The following ARHGAP18 variants were observed in gnomAD, a reference collection of about 807,000 sequenced individuals.
The protein encoded by ARHGAP18 is Rho GTPase activating protein 18.
A neutral mutation model predicts 86.2 loss-of-function variants in ARHGAP18; 67 were observed. The observed-to-expected ratio is 0.78, with a 90% confidence interval of 0.64 to 0.95. The LOEUF (loss-of-function observed/expected upper bound fraction) is 0.95. Among genes scored for constraint, ARHGAP18 ranks in the 40% least tolerant of loss-of-function variants. The pLI is 0.00. For missense variants in ARHGAP18, 691 were observed against 780.4 expected, an observed-to-expected ratio of 0.89 and a Z score of 1.37; for synonymous variants, 283 against 280.4, an observed-to-expected ratio of 1.01 and a Z score of -0.09.
chr6:129,680,665 C>G (rs6928942), intron 1 of ARHGAP18, among the ~76,000 whole-genome samples: 1 of 152,136 alleles, frequency 6.6e-6, no homozygotes, highest in East Asian at 1.9e-4. Flanking sequence ...TGGGCAAGGC[C>G]GAAGCCTGGT....
rs756960625 is a variant in ARHGAP18, at chr6:129,599,231, A to C, written c.1698T>G (p.Asp566Glu). The C allele has an allele frequency of 1.3e-6, 2 of 1,578,374 alleles. No individual in the cohort carries two copies. The highest frequency in any genetic ancestry group is 2.4e-5 in the South Asian group (2 of 84,876). Residue 566 changes from aspartate to glutamate, a missense_variant, in exon 12 of 15, where the codon GAT (aspartate) becomes GAG (glutamate). By Grantham distance (45) the Asp-to-Glu change is conservative (BLOSUM62 2). Transcript: ENST00000368149. Reference sequence around the variant, plus strand: ...ATTTTCTTACATCATTTGTACTCTTATCTTGCTTTTCATATTTTTCTCGGT... The same window carrying C: ...ATTTTCTTACATCATTTGTACTCTTCTCTTGCTTTTCATATTTTTCTCGGT... Reference protein sequence around the residue: ...AYDREKYEKQDKSTNDADVPQ... With the variant: ...AYDREKYEKQEKSTNDADVPQ...
chr6:129,614,534 T>A (rs1031864149), intron 7 of ARHGAP18, among the ~76,000 whole-genome samples: 7 of 149,416 alleles, frequency 4.7e-5, no homozygotes, highest in Admixed American at 2.7e-4. Context: ...TAAATAAATT[T>A]AAAAAAAAAA....
rs983037330 is a variant in ARHGAP18 at position 129,625,999 on chromosome 6, T to C, written c.786+3354A>G. On this transcript the variant is annotated intron_variant, in intron 5 of 14. Transcript: ENST00000368149. Reference sequence around the variant, plus strand: ...ATATATTTATATTATATATCAAATATATATCAAATATATATATCAAATATA... The same window carrying C: ...ATATATTTATATTATATATCAAATACATATCAAATATATATATCAAATATA... Among the ~76,000 whole-genome samples, 12 of 117,204 alleles carry C rather than the reference T, an allele frequency of 1.0e-4. No homozygotes were observed. The South Asian group carries it at 2.6e-3, about 25-fold the overall frequency. 76.9% of individuals were successfully genotyped at this position (117,204 alleles called of 152,430 possible). A position where few individuals can be genotyped will look rare whatever the true frequency, so the allele number is the denominator to read the frequency against.
intron 4 of ARHGAP18, among the ~76,000 whole-genome samples, chr6:129,630,587 A>G (rs1773179416): frequency 6.6e-6 from 1 of 152,242 alleles, no homozygotes; most frequent in Admixed American, 6.5e-5. Flanking sequence ...AAGAGTCTGC[A>G]GTTCAGAAAA....
chr6:129,589,889 A>C (rs1440913920), intron 12 of ARHGAP18, among the ~76,000 whole-genome samples: 1 of 152,192 alleles, frequency 6.6e-6, no homozygotes, highest in Non-Finnish European at 1.5e-5. Context: ...TGCAGCCTTC[A>C]GTCTGTGGCT....
intron 7 of ARHGAP18, among the ~76,000 whole-genome samples, chr6:129,615,390 A>T (rs985875315): frequency 6.6e-6 from 1 of 152,208 alleles, no homozygotes; most frequent in Non-Finnish European, 1.5e-5. Flanking sequence ...ATGAGGGGAA[A>T]AAAGCACCAA....
intron 1 of ARHGAP18, among the ~76,000 whole-genome samples, chr6:129,703,873 G>A (rs1423574778): frequency 6.6e-6 from 1 of 152,174 alleles, no homozygotes; most frequent in Non-Finnish European, 1.5e-5. Context: ...AAATTAGAAT[G>A]AGGAAATACG....
Position 129,607,983 on chromosome 6 carries a change from C to T in ARHGAP18, c.1192G>A (p.Asp398Asn), listed in dbSNP as rs372212567. Residue 398 changes from aspartate (D) to asparagine (N), a missense_variant, in exon 9 of 15, where the codon GAT (aspartate) becomes AAT (asparagine). Asp to Asn is a conservative substitution (Grantham distance 23). Coordinates refer to ENST00000368149, the MANE Select transcript of ARHGAP18 (RefSeq NM_033515.3). ...TFNWESVKQH[D>N]AASLLKLFIR... ...AAGAGCTTCAGCAGGCTGGCGGCAT[C>T]ATGCTGTTTGACACTTTCCCAATTA... is the stretch of plus-strand genomic sequence containing the variant. 3 of 1,584,642 alleles carry T rather than the reference C, an allele frequency of 1.9e-6. No homozygotes were observed. Among genetic ancestry groups the T allele is most frequent in the Non-Finnish European group, 2.6e-6 (3 of 1,162,672 alleles).
intron 7 of ARHGAP18, among the ~76,000 whole-genome samples, chr6:129,611,854 C>T (rs1788987261): frequency 6.6e-6 from 1 of 152,188 alleles, no homozygotes. Flanking sequence ...TTTCACACAA[C>T]AGCTGTGGTA....
chr6:129,605,930 C>T lies in ARHGAP18; in HGVS notation c.1312G>A (p.Ala438Thr), dbSNP rs917705561. Residue 438 changes from alanine (A) to threonine (T), a missense_variant, in exon 10 of 15, where the codon GCT becomes ACT. By Grantham distance (58) the Ala-to-Thr change is moderately conservative. Coordinates refer to ENST00000368149, the MANE Select transcript of ARHGAP18 (RefSeq NM_033515.3). Reference protein sequence around the residue: ...NLPTKKQQLQALNLLVILLPD... With the variant: ...NLPTKKQQLQTLNLLVILLPD... ...AGGAGGATGACAAGAAGGTTCAAAG[C>T]CTGTAGTTGCTGCTTCTTGGTTGGA... 1 of 1,613,456 alleles carries T rather than the reference C, an allele frequency of 6.2e-7. No individual in the cohort carries two copies. The highest frequency in any genetic ancestry group is 1.3e-5 in the African/African-American group (1 of 74,874).
chr6:129,688,191 C>T (rs1396221551), intron 1 of ARHGAP18, among the ~76,000 whole-genome samples: 3 of 152,188 alleles, frequency 2.0e-5, no homozygotes, highest in Non-Finnish European at 4.4e-5. Flanking sequence ...TACATATCAG[C>T]TCCCTTCCAA....
intron 4 of ARHGAP18, among the ~76,000 whole-genome samples, chr6:129,632,409 T>G (rs1328246299): frequency 2.0e-5 from 3 of 152,188 alleles, no homozygotes. Context: ...CTTCCAGAAC[T>G]TTTGTTGATA....
chr6:129,633,882 C>CT (rs1562702711), intron 4 of ARHGAP18, among the ~76,000 whole-genome samples, 160 bp downstream of exon 4: 1 of 152,056 alleles, frequency 6.6e-6, no homozygotes, highest in Admixed American at 6.6e-5. Context: ...TGAAGGCCAG[C>CT]TATATGCTCA....
chr6:129,646,590 C>A (rs542933736), intron 1 of ARHGAP18, among the ~76,000 whole-genome samples: 5 of 152,100 alleles, frequency 3.3e-5, no homozygotes, highest in African/African-American at 9.7e-5. Context: ...GAATAAACAT[C>A]TTCACATAGA....
chr6:129,672,335 CCTCA>C (rs1774156032), intron 1 of ARHGAP18, among the ~76,000 whole-genome samples: 1 of 152,198 alleles, frequency 6.6e-6, no homozygotes, highest in South Asian at 2.1e-4. Flanking sequence ...AGCACAGCCT[CCTCA>C]CTGTCTCTGG....
intron 1 of ARHGAP18, among the ~76,000 whole-genome samples, chr6:129,655,118 C>T (rs1046816203): frequency 3.3e-5 from 5 of 151,924 alleles, no homozygotes; most frequent in African/African-American, 2.4e-5. Context: ...CTCAGGAGTT[C>T]GAGACCAGCC....
chr6:129,656,668 TAAAA>T (rs35138531), intron 1 of ARHGAP18, among the ~76,000 whole-genome samples: 1 of 151,220 alleles, frequency 6.6e-6, no homozygotes, highest in Non-Finnish European at 1.5e-5. Flanking sequence ...AAATAAAAAA[TAAAA>T]AAAAATATCA....
chr6:129,669,196 G>A (rs1774099321), intron 1 of ARHGAP18, among the ~76,000 whole-genome samples: 1 of 150,966 alleles, frequency 6.6e-6, no homozygotes, highest in Admixed American at 6.6e-5. Context: ...TCTTGAGACG[G>A]AGTCTCGCTC....
At chr6:129,640,456 G>A (rs1330156411) in intron 2 of ARHGAP18, among the ~76,000 whole-genome samples, 1 of 152,166 alleles carries the variant, frequency 6.6e-6, no homozygotes, top group Non-Finnish European at 1.5e-5. Context: ...CATGGAGAAA[G>A]AAAGGGTGAG....
Sources: gnomAD v4.1 joint callset for allele counts (sites outside exome capture counted in the v4.1 genomes callset) on GRCh38, gnomAD v4.1.1 for gene constraint, MANE v1.5 for transcripts, NCBI Gene and HGNC (gene_info 2026-07-23, HGNC 2026-07-21) for gene names.